The following SUGCT variants were observed in gnomAD, a reference collection of about 807,000 sequenced individuals.
The protein encoded by SUGCT is succinyl-CoA:glutarate CoA-transferase.
In SUGCT, 41 loss-of-function variants were observed where a neutral mutation model predicts 55.0. That is an observed-to-expected ratio of 0.74 (90% CI 0.58 to 0.97). The LOEUF is 0.97. SUGCT is among the 50% of genes least tolerant of loss of function. SUGCT has a pLI of 0.00. For synonymous variants in SUGCT, 187 were observed against 200.4 expected (o/e 0.93, Z 0.56); for missense variants, 568 against 547.8 (o/e 1.04, Z -0.37).
intron 8 of SUGCT, among the ~76,000 whole-genome samples, chr7:40,284,360 T>G (rs188106138): frequency 6.6e-6 from 1 of 152,124 alleles, no homozygotes; most frequent in African/African-American, 2.4e-5. Context: ...GTAATCCTAG[T>G]GCTTTGGGAG....
At chr7:40,763,218 G>T (rs1017229705) in intron 13 of SUGCT, among the ~76,000 whole-genome samples, 1 of 152,112 alleles carries the variant, frequency 6.6e-6, no homozygotes, top group African/African-American at 2.4e-5. Context: ...GATAACACTC[G>T]CTAACACTTA....
intron 12 of SUGCT, among the ~76,000 whole-genome samples, chr7:40,732,482 G>A (rs906129388): frequency 1.8e-4 from 28 of 152,216 alleles, no homozygotes; most frequent in African/African-American, 6.8e-4. Flanking sequence ...TATAGGCAGT[G>A]TAAGGTTGGA....
the SUGCT span, among the ~76,000 whole-genome samples, chr7:41,032,299 G>A: frequency 6.6e-6 from 1 of 151,308 alleles, no homozygotes; most frequent in African/African-American, 2.4e-5. Flanking sequence ...AGGGGACAAT[G>A]TCCTACATTT....
chr7:40,207,876 G>A (rs1309157031), intron 6 of SUGCT, among the ~76,000 whole-genome samples: 2 of 152,060 alleles, frequency 1.3e-5, no homozygotes, highest in Non-Finnish European at 2.9e-5. Context: ...TTGAAAGCAG[G>A]ACCTCGAAGG....
intron 9 of SUGCT, among the ~76,000 whole-genome samples, chr7:40,333,705 A>AC: frequency 7.7e-6 from 1 of 129,142 alleles, no homozygotes; most frequent in Non-Finnish European, 1.7e-5. Context: ...ATATATATAA[A>AC]TATTTATAAA....
chr7:40,334,096 G>A (rs967939400), intron 9 of SUGCT, among the ~76,000 whole-genome samples: 1 of 151,972 alleles, frequency 6.6e-6, no homozygotes, highest in Non-Finnish European at 1.5e-5. Flanking sequence ...CCTTTTTTAT[G>A]GATGCATAGT....
chr7:40,478,005 C>T (rs375743266), intron 11 of SUGCT, among the ~76,000 whole-genome samples: 64 of 152,108 alleles, frequency 4.2e-4, no homozygotes, highest in African/African-American at 1.4e-3. Context: ...TTTCCCCCAC[C>T]TTTAGGAGAG....
At chr7:40,320,392 C>T (rs1025313125) in intron 9 of SUGCT, among the ~76,000 whole-genome samples, 1 of 152,050 alleles carries the variant, frequency 6.6e-6, no homozygotes, top group South Asian at 2.1e-4. Flanking sequence ...AGGCGTGAGC[C>T]TGTAATATTT....
At chr7:40,724,172 G>A (rs1030153308) in intron 12 of SUGCT, among the ~76,000 whole-genome samples, 3 of 152,166 alleles carry the variant, frequency 2.0e-5, no homozygotes, top group Non-Finnish European at 4.4e-5. Flanking sequence ...CCCTTAATCG[G>A]AGAAAATAAA....
intron 6 of SUGCT, among the ~76,000 whole-genome samples, chr7:40,216,498 CAAA>C (rs1022915051): frequency 4.0e-5 from 2 of 50,416 alleles, no homozygotes; most frequent in African/African-American, 1.3e-4. Flanking sequence ...GACTCCGTCT[CAAA>C]AAAAAAAAAA....
chr7:41,004,439 G>A, the SUGCT span, among the ~76,000 whole-genome samples: 1 of 152,210 alleles, frequency 6.6e-6, no homozygotes, highest in Admixed American at 6.5e-5. Context: ...GTGGGCAGAA[G>A]AAATAATTTA....
At chr7:40,854,419 C>CTTTCCTTTCTTTCTTTCTTT (rs200586474) in intron 13 of SUGCT, among the ~76,000 whole-genome samples, 12 of 88,834 alleles carry the variant, frequency 1.4e-4, no homozygotes, top group Non-Finnish European at 1.7e-4. Context: ...TTCTTTCTTT[C>CTTTCCTTTCTTTCTTTCTTT]CTTTCTTTCT....
At chr7:40,202,687 C>T (rs1456071469) in intron 6 of SUGCT, among the ~76,000 whole-genome samples, 1 of 152,102 alleles carries the variant, frequency 6.6e-6, no homozygotes, top group Admixed American at 6.6e-5. Context: ...AGGTGGCTCT[C>T]TTTATGGGGA....
At chr7:40,711,393 C>A (rs952484909) in intron 12 of SUGCT, among the ~76,000 whole-genome samples, 5 of 151,954 alleles carry the variant, frequency 3.3e-5, no homozygotes, top group African/African-American at 1.2e-4. Context: ...ACCTGTAGTC[C>A]CAGCTGCTTG....
At chr7:40,924,164 C>A in the SUGCT span, among the ~76,000 whole-genome samples, 48 of 152,104 alleles carry the variant, frequency 3.2e-4, no homozygotes, top group East Asian at 8.9e-3. Flanking sequence ...CAATAAATTT[C>A]TATTGTTTAT....
chr7:40,167,092 A>G (rs541973888), intron 1 of SUGCT, among the ~76,000 whole-genome samples: 1 of 152,216 alleles, frequency 6.6e-6, no homozygotes, highest in African/African-American at 2.4e-5. Flanking sequence ...TTGTACACAA[A>G]TGTTCACAGC....
Position 40,832,949 on chromosome 7 carries a change from C to T in SUGCT, c.1154-27367C>T, listed in dbSNP as rs548315995. Among the ~76,000 whole-genome samples, 251 of 152,238 alleles carry T rather than the reference C, an allele frequency of 1.6e-3. 2 individuals carry two copies. The highest frequency in any genetic ancestry group is 5.8e-3 in the African/African-American group (240 of 41,558). ...TCAGCCTCCCAAAGTGCTGGGATTACAGGCGTGAGTCACTGTGCCGGGCCT... is the reference window on the plus strand; with the variant it reads ...TCAGCCTCCCAAAGTGCTGGGATTATAGGCGTGAGTCACTGTGCCGGGCCT... On this transcript the variant is annotated intron_variant, in intron 13 of 13. Coordinates refer to ENST00000335693, the MANE Select transcript of SUGCT (RefSeq NM_001193313.2).
intron 12 of SUGCT, among the ~76,000 whole-genome samples, chr7:40,503,335 A>G (rs1457180740): frequency 1.3e-5 from 2 of 152,172 alleles, no homozygotes; most frequent in African/African-American, 2.4e-5. Context: ...GAAATTTTTT[A>G]GCAAGTGGTT....
intron 8 of SUGCT, among the ~76,000 whole-genome samples, chr7:40,295,295 G>C (rs956710623): frequency 6.6e-6 from 1 of 152,190 alleles, no homozygotes; most frequent in African/African-American, 2.4e-5. Context: ...GAACTCACAG[G>C]GTAGGTGTGG....
Sources: gnomAD v4.1 joint callset for allele counts (sites outside exome capture counted in the v4.1 genomes callset) on GRCh38, gnomAD v4.1.1 for gene constraint, MANE v1.5 for transcripts, NCBI Gene and HGNC (gene_info 2026-07-23, HGNC 2026-07-21) for gene names.